Variants in BOD1L1 observed in about 807,000 individuals in gnomAD.
BOD1L1 encodes biorientation of chromosomes in cell division 1 like 1, also known as biorientation of chromosomes in cell division protein 1-like 1.
Under a neutral mutation model 240.7 loss-of-function variants are expected in BOD1L1, and 86 were observed. That is an observed-to-expected ratio of 0.36 (90% CI 0.30 to 0.43). The LOEUF (loss-of-function observed/expected upper bound fraction) is 0.43. Among genes scored for constraint, BOD1L1 ranks in the 20% least tolerant of loss-of-function variants. The pLI, the probability that BOD1L1 is intolerant of heterozygous loss-of-function variation, is 1.00. For synonymous variants in BOD1L1, 1,268 were observed against 1,272.3 expected (o/e 1.00, Z 0.07); for missense variants, 3,554 against 3,643.5 (o/e 0.98, Z 0.63).
At position 13,601,794 on chromosome 4, in the gene BOD1L1, T is replaced by C. The variant is rs761176646; in HGVS notation, c.5106A>G (p.Ile1702Met). Residue 1702 changes from isoleucine to methionine, a missense_variant, in exon 10 of 26, where the codon ATA becomes ATG. Transcript: ENST00000040738. ...SAGTEIRAGS[I>M]SSEEVDGSQG... ...GGGAGCCATCCACCTCTTCACTGCT[T>C]ATAGATCCTGCTCTTATCTCTGTTC... The C allele has an allele frequency of 6.2e-7, 1 of 1,614,022 alleles. No individual in the cohort carries two copies.
At chr4:13,610,115 G>GAACTTTTCATATTTTAC (rs537931657) in intron 6 of BOD1L1, among the ~76,000 whole-genome samples, 5 of 152,094 alleles carry the variant, frequency 3.3e-5, no homozygotes, top group Admixed American at 3.3e-4. Flanking sequence ...TCCTGATTCT[G>GAACTTTTCATATTTTAC]AACTTTTCAT....
chr4:13,620,089 T>G (rs1358637071), intron 1 of BOD1L1, 22 bp from the exon 2 acceptor site: 1 of 1,583,278 alleles, frequency 6.3e-7, no homozygotes, highest in Non-Finnish European at 8.6e-7. Context: ...AAAACGAAGG[T>G]AAGTCTTCAA....
rs1429248968 is a variant in BOD1L1, at chr4:13,610,995, T to G, written c.1430A>C (p.Tyr477Ser). ...RHAYVHKPYL[Y>S]SKYYSDSDDE... is the part of the protein sequence containing the mutation. ...ATCAGAATCACTATAGTATTTTGAG[T>G]AAAGATATGGTTTGTGGACATACGC... is the stretch of plus-strand genomic sequence containing the variant. The change falls in exon 6 of 26, where the codon TAC becomes TCC. Residue 477 changes from tyrosine (Y) to serine (S), a missense_variant. This residue lies in a region of BOD1L1 where 3,393 missense variants were observed against 3,427.1 expected (regional missense o/e 0.99). Transcript: ENST00000040738. The G allele has an allele frequency of 6.2e-7, 1 of 1,612,770 alleles. No individual in the cohort carries two copies. The highest frequency in any genetic ancestry group is 2.2e-5 in the East Asian group (1 of 44,836).
chr4:13,606,759 A>T (rs771479545), intron 9 of BOD1L1, among the ~76,000 whole-genome samples: 1 of 152,192 alleles, frequency 6.6e-6, no homozygotes, highest in Non-Finnish European at 1.5e-5. Context: ...GGACCCGTGG[A>T]TAAGGAATGA....
At chr4:13,584,084 A>G (rs1175704301) in intron 17 of BOD1L1, among the ~76,000 whole-genome samples, 5 of 152,244 alleles carry the variant, frequency 3.3e-5, no homozygotes, top group African/African-American at 9.6e-5. Flanking sequence ...CAATCTATAC[A>G]GTAAATATTA....
rs1183533133 is a variant in BOD1L1, at chr4:13,604,836, T to C, written c.2064A>G (p.Glu688=). Residue 688 remains glutamate, a synonymous_variant, in exon 10 of 26, where the codon GAA becomes GAG. Transcript: ENST00000040738. The part of the protein sequence containing the change: ...RQVERSEICT[E]EPQKQKSTLK... ...GTGTGCTTTTCTGTTTCTGGGGCTCTTCGGTGCAAATTTCTGAGCGTTCTA... is the reference window on the plus strand; with the variant it reads ...GTGTGCTTTTCTGTTTCTGGGGCTCCTCGGTGCAAATTTCTGAGCGTTCTA... The C allele has an allele frequency of 1.2e-6, 2 of 1,612,040 alleles. No individual in the cohort carries two copies. Among genetic ancestry groups the C allele is most frequent in the Admixed American group, 1.7e-5 (1 of 59,662 alleles).
chr4:13,621,934 G>C (rs973383273), intron 1 of BOD1L1, among the ~76,000 whole-genome samples: 2 of 144,224 alleles, frequency 1.4e-5, no homozygotes, highest in Non-Finnish European at 3.0e-5. Context: ...GTGTGATCTC[G>C]GCTCACTGGA....
rs77221721 is a variant in BOD1L1, at chr4:13,602,006, C to T, written c.4894G>A (p.Ala1632Thr). ...ESEDRAADLL[A>T]VHAVKIEANV... ...GCTTCGATTTTAACTGCATGCACAG[C>T]CAGTAGGTCTGCTGCTCTGTCCTCA... Residue 1632 changes from alanine to threonine, a missense_variant, in exon 10 of 26, where the codon GCT (alanine) becomes ACT (threonine). Physicochemically the swap from Ala to Thr is moderately conservative, Grantham distance 58 (BLOSUM62 0). Coordinates refer to ENST00000040738, the MANE Select transcript of BOD1L1 (RefSeq NM_148894.3). The T allele has an allele frequency of 1.2e-6, 2 of 1,613,894 alleles. No homozygotes were observed. Among genetic ancestry groups the T allele is most frequent in the African/African-American group, 2.7e-5 (2 of 74,942 alleles).
chr4:13,600,876 G>A lies in BOD1L1; in HGVS notation c.6024C>T (p.Tyr2008=), dbSNP rs1403797002. The change falls in exon 10 of 26, where the codon TAC becomes TAT. Residue 2008 remains tyrosine (Y), a synonymous_variant. Coordinates refer to ENST00000040738, the MANE Select transcript of BOD1L1 (RefSeq NM_148894.3). ...GGACTTCACCAGATACAAGAACATC[G>A]TAACTACCCCCGACCAGGCCAGTGG... is the stretch of plus-strand genomic sequence containing the variant. ...TISTGLVGGS[Y]DVLVSGEVPE... The A allele has an allele frequency of 2.5e-5, 41 of 1,613,654 alleles. No individual in the cohort carries two copies. Among genetic ancestry groups the A allele is most frequent in the Non-Finnish European group, 3.0e-5 (35 of 1,179,826 alleles).
intron 13 of BOD1L1, among the ~76,000 whole-genome samples, chr4:13,591,564 C>A (rs1183751494): frequency 1.3e-5 from 2 of 152,182 alleles, no homozygotes; most frequent in Non-Finnish European, 2.9e-5. Context: ...AGGTTAGTAT[C>A]TTGAGAAAAG....
intron 2 of BOD1L1, among the ~76,000 whole-genome samples, chr4:13,619,302 CTT>C (rs1222339672): frequency 5.0e-5 from 2 of 40,352 alleles, no homozygotes; most frequent in African/African-American, 1.1e-4. Flanking sequence ...GAATGAGACT[CTT>C]TAAAAAAAAA....
intron 12 of BOD1L1, among the ~76,000 whole-genome samples, chr4:13,595,330 C>T (rs992107020): frequency 6.6e-6 from 1 of 152,158 alleles, no homozygotes; most frequent in Non-Finnish European, 1.5e-5. Flanking sequence ...AGAGCTCCTG[C>T]CTTTATCCTT....
At chr4:13,594,656 G>A (rs1391362246) in intron 12 of BOD1L1, among the ~76,000 whole-genome samples, 1 of 152,130 alleles carries the variant, frequency 6.6e-6, no homozygotes, top group East Asian at 1.9e-4. Flanking sequence ...CAGCACTTTG[G>A]GAGGCCAAGG....
chr4:13,574,897 T>C (rs1053099767), intron 25 of BOD1L1, among the ~76,000 whole-genome samples: 10 of 143,120 alleles, frequency 7.0e-5, no homozygotes, highest in African/African-American at 9.8e-5. Flanking sequence ...TAGAAACAGA[T>C]TGATTTTAAG....
intron 15 of BOD1L1, 51 bp downstream of exon 15, chr4:13,588,671 G>T: frequency 7.4e-7 from 1 of 1,345,628 alleles, no homozygotes; most frequent in South Asian, 1.3e-5. Context: ...TTTGTGTACA[G>T]TGAAAATATT....
In BOD1L1 at chr4:13,601,834, G is replaced by A; in HGVS notation, c.5066C>T (p.Ala1689Val). 1 of 1,613,862 alleles carries A rather than the reference G, an allele frequency of 6.2e-7. No individual in the cohort carries two copies. The highest frequency in any genetic ancestry group is 8.5e-7 in the Non-Finnish European group (1 of 1,179,878). Residue 1689 changes from alanine (A) to valine (V), a missense_variant, in exon 10 of 26, where the codon GCA (alanine) becomes GTA (valine). This residue lies in a region of BOD1L1 where 3,393 missense variants were observed against 3,427.1 expected (regional missense o/e 0.99). Coordinates refer to ENST00000040738, the MANE Select transcript of BOD1L1 (RefSeq NM_148894.3). ...TATCTCTGTTCCAGCACTTGTAACT[G>A]CTCCATCACTTTCAACTTCACTAAT... The part of the protein sequence containing the change: ...TFISEVESDG[A>V]VTSAGTEIRA...
chr4:13,570,284 A>G (rs1184809247), intron 25 of BOD1L1, among the ~76,000 whole-genome samples, 156 bp from the exon 26 acceptor site: 1 of 152,270 alleles, frequency 6.6e-6, no homozygotes, highest in Non-Finnish European at 1.5e-5. Flanking sequence ...CCTCGCGAAG[A>G]GCTTGAACTA....
Position 13,604,560 on chromosome 4 carries a change from C to T in BOD1L1, c.2340G>A (p.Lys780=). ...ENIQKQSQQT[K]LSSDDKTERK... is the part of the protein sequence containing the mutation. ...GTTCGGTTTTATCATCTGAAGAAAG[C>T]TTTGTTTGTTGACTTTGCTTTTGAA... Residue 780 remains lysine, a synonymous_variant, in exon 10 of 26, where the codon AAG becomes AAA. Coordinates refer to ENST00000040738, the MANE Select transcript of BOD1L1 (RefSeq NM_148894.3). The T allele has an allele frequency of 6.4e-7, 1 of 1,555,226 alleles. No individual in the cohort carries two copies. Among genetic ancestry groups the T allele is most frequent in the African/African-American group, 1.4e-5 (1 of 72,230 alleles).
At chr4:13,577,051 G>C in intron 24 of BOD1L1, 60 bp from the exon 25 acceptor site, 3 of 1,562,804 alleles carry the variant, frequency 1.9e-6, no homozygotes, top group Non-Finnish European at 2.6e-6. Context: ...TTCCAAGAGA[G>C]AGAGTCATGG....
Sources: gnomAD v4.1 joint callset for allele counts (sites outside exome capture counted in the v4.1 genomes callset) on GRCh38, gnomAD v4.1.1 for gene constraint, gnomAD v4.1.1 regional missense constraint, MANE v1.5 for transcripts, NCBI Gene and HGNC (gene_info 2026-07-23, HGNC 2026-07-21) for gene names.